AP1G1: variants seen among roughly 807,000 people sequenced by gnomAD.
AP1G1 encodes adaptor related protein complex 1 subunit gamma 1.
In AP1G1, 7 loss-of-function variants were observed where a neutral mutation model predicts 108.3. That is an observed-to-expected ratio of 0.06 (90% CI 0.04 to 0.12). The LOEUF is 0.12. Among genes scored for constraint, AP1G1 ranks in the 10% least tolerant of loss-of-function variants. The pLI is 1.00. For missense variants in AP1G1, 756 were observed against 1,010.7 expected, an observed-to-expected ratio of 0.75 and a Z score of 3.42; for synonymous variants, 379 against 353.5, an observed-to-expected ratio of 1.07 and a Z score of -0.81.
intron 2 of AP1G1, among the ~76,000 whole-genome samples, chr16:71,783,818 C>G (rs190977312): frequency 6.6e-6 from 1 of 152,068 alleles, no homozygotes; most frequent in Admixed American, 6.6e-5. Context: ...TATGGAAATT[C>G]TTTTTTCTTT....
chr16:71,765,352 T>C, intron 7 of AP1G1, 137 bp downstream of exon 7: 1 of 587,770 alleles, frequency 1.7e-6, no homozygotes. Context: ...AATATAGAAT[T>C]GTGTCACTAT....
intron 4 of AP1G1, among the ~76,000 whole-genome samples, chr16:71,772,134 TTTTC>T (rs971424826): frequency 8.3e-5 from 3 of 36,280 alleles, no homozygotes; most frequent in East Asian, 0.019. Flanking sequence ...TTTTCTTTTC[TTTTC>T]TTTTTTTTTT....
chr16:71,802,393 G>C (rs1213997512), intron 1 of AP1G1, among the ~76,000 whole-genome samples: 2 of 151,998 alleles, frequency 1.3e-5, no homozygotes, highest in Non-Finnish European at 2.9e-5. Flanking sequence ...CAGGCTCCCA[G>C]GCAGCTAAGG....
rs541174116 is a variant in AP1G1 at position 71,774,503 on chromosome 16, T to C, written c.291A>G (p.Gln97=). ...AGTTGGTCATGAGAAGATGGACATCTTGTCTTTCATCTAACAGCAGCATTG... is the reference window on the plus strand; with the variant it reads ...AGTTGGTCATGAGAAGATGGACATCCTGTCTTTCATCTAACAGCAGCATTG... ...LGAMLLLDER[Q]DVHLLMTNCI... Residue 97 remains glutamine (Q), a synonymous_variant, in exon 3 of 23, where the codon CAA becomes CAG. Transcript: ENST00000299980. The C allele has an allele frequency of 1.9e-5, 30 of 1,604,372 alleles. No individual in the cohort carries two copies. The South Asian group carries it at 2.6e-4, about 14-fold the overall frequency.
At chr16:71,744,221 G>A (rs1430620208) in intron 19 of AP1G1, among the ~76,000 whole-genome samples, 1 of 152,178 alleles carries the variant, frequency 6.6e-6, no homozygotes, top group Admixed American at 6.5e-5. Context: ...TCCAGCCTGT[G>A]CAACAGAGCA....
intron 9 of AP1G1, among the ~76,000 whole-genome samples, chr16:71,763,299 C>T (rs891264076): frequency 1.3e-5 from 2 of 152,126 alleles, no homozygotes; most frequent in African/African-American, 4.8e-5. Context: ...TCTTCAGAGG[C>T]ACCTGAGAGT....
intron 5 of AP1G1, among the ~76,000 whole-genome samples, chr16:71,770,071 G>C (rs8062477): frequency 2.6e-5 from 4 of 151,922 alleles, no homozygotes; most frequent in Non-Finnish European, 5.9e-5. Context: ...GATAATTCAA[G>C]AGGCAAAAAT....
At chr16:71,756,469 G>C (rs1040431072) in intron 11 of AP1G1, 8 of 250,318 alleles carry the variant, frequency 3.2e-5, no homozygotes, top group Admixed American at 1.1e-4. Context: ...TAGAATACCT[G>C]AGAGTCTCAA....
intron 1 of AP1G1, among the ~76,000 whole-genome samples, chr16:71,797,255 T>C (rs2032619491): frequency 6.6e-6 from 1 of 152,062 alleles, no homozygotes; most frequent in Non-Finnish European, 1.5e-5. Flanking sequence ...CCAAAGGGTA[T>C]AATTAATGTT....
At position 71,733,126 on chromosome 16, in the gene AP1G1, T is replaced by C. The variant is rs764166650; in HGVS notation, c.2401A>G (p.Asn801Asp). Reference sequence around the variant, plus strand: ...TCTTGCATTGCTGAGCCCTTGTGATTATATGTAAGCTTGATCCGCATTCGC... The same window carrying C: ...TCTTGCATTGCTGAGCCCTTGTGATCATATGTAAGCTTGATCCGCATTCGC... ...QLRMRIKLTYNHKGSAMQDLA... is the reference protein window; with the variant it reads ...QLRMRIKLTYDHKGSAMQDLA... The change falls in exon 23 of 23, where the codon AAT becomes GAT. Residue 801 changes from asparagine to aspartate, a missense_variant. Physicochemically the swap from Asn to Asp is conservative, Grantham distance 23 (BLOSUM62 1). Around this residue, in one of 3 missense-constraint regions of AP1G1, gnomAD observed 95 missense variants for 160.5 expected, o/e 0.59. Transcript: ENST00000299980. 1.2e-6 allele frequency: 2 copies of C among 1,614,150 alleles called. No individual in the cohort carries two copies. Among genetic ancestry groups the C allele is most frequent in the South Asian group, 2.2e-5 (2 of 91,086 alleles).
At chr16:71,749,808 A>C in intron 15 of AP1G1, 86 bp downstream of exon 15, 15 of 1,156,814 alleles carry the variant, frequency 1.3e-5, no homozygotes, top group Non-Finnish European at 1.8e-5. Flanking sequence ...TTTTCAAGGA[A>C]TCAACCTCAA....
At chr16:71,794,868 T>TTTTTTTTTTTTTTTTTTG (rs2032529617) in intron 1 of AP1G1, among the ~76,000 whole-genome samples, 1 of 146,138 alleles carries the variant, frequency 6.8e-6, no homozygotes, top group Non-Finnish European at 1.5e-5. Context: ...TTTTTTTACT[T>TTTTTTTTTTTTTTTTTTG]TGAAATGCCT....
At chr16:71,793,775 C>T (rs2032485804) in intron 1 of AP1G1, among the ~76,000 whole-genome samples, 1 of 149,974 alleles carries the variant, frequency 6.7e-6, no homozygotes, top group Admixed American at 6.6e-5. Context: ...ATCTCTGCCT[C>T]CTTGGCTCAC....
chr16:71,792,077 T>C (rs1417487063), intron 1 of AP1G1, among the ~76,000 whole-genome samples: 1 of 152,040 alleles, frequency 6.6e-6, no homozygotes, highest in Non-Finnish European at 1.5e-5. Context: ...TAAACTCTTA[T>C]ACAAGGGATG....
Position 71,739,283 on chromosome 16 carries a change from G to C in AP1G1, c.2058C>G (p.Phe686Leu). 1 of 1,613,236 alleles carries C rather than the reference G, an allele frequency of 6.2e-7. No individual in the cohort carries two copies. Among genetic ancestry groups the C allele is most frequent in the African/African-American group, 1.3e-5 (1 of 74,922 alleles). Residue 686 changes from phenylalanine (F) to leucine (L), a missense_variant, in exon 20 of 23, where the codon TTC becomes TTG. Around this residue, in one of 3 missense-constraint regions of AP1G1, gnomAD observed 357 missense variants for 366.5 expected, o/e 0.97. Transcript: ENST00000299980. ...GCTGTGATGAAAGCCCATCCAACAA[G>C]AAGGGGGGCTGGGATATCTGTGGGA... is the stretch of plus-strand genomic sequence containing the variant. ...ASVPQISQPPFLLDGLSSQPL... is the reference protein window; with the variant it reads ...ASVPQISQPPLLLDGLSSQPL...
chr16:71,758,377 C>G (rs1177414427), intron 11 of AP1G1: 1 of 514,750 alleles, frequency 1.9e-6, no homozygotes, highest in Non-Finnish European at 3.9e-6. Flanking sequence ...CCTTCAGGAT[C>G]CTGGGGCGTA....
intron 6 of AP1G1, 109 bp from the exon 7 acceptor site, chr16:71,765,693 A>G (rs749492769): frequency 1.3e-5 from 10 of 769,982 alleles, no homozygotes; most frequent in Middle Eastern, 2.3e-4. Flanking sequence ...GTCCAAGCAA[A>G]TTCTACTGAT....
intron 7 of AP1G1, among the ~76,000 whole-genome samples, chr16:71,765,108 A>AG (rs2031258444): frequency 1.3e-5 from 2 of 152,170 alleles, no homozygotes; most frequent in Admixed American, 1.3e-4. Flanking sequence ...TGAGAGGCTG[A>AG]GGGGGGCGGG....
intron 1 of AP1G1, chr16:71,807,932 A>AT: frequency 7.9e-7 from 1 of 1,270,392 alleles, no homozygotes; most frequent in Non-Finnish European, 1.0e-6. Flanking sequence ...GGGAATCCAC[A>AT]TATGAGAAAA....
Sources: allele counts gnomAD v4.1 joint callset (sites outside exome capture counted in the v4.1 genomes callset), GRCh38; gene constraint gnomAD v4.1.1; regional missense constraint gnomAD v4.1.1; transcripts MANE v1.5; gene names NCBI Gene and HGNC (gene_info 2026-07-23, HGNC 2026-07-21).